Variants in NEDD9 observed in about 807,000 individuals in gnomAD.
The protein encoded by NEDD9 is enhancer of filamentation 1.
NEDD9 carries 26 observed loss-of-function variants against 76.6 expected under a neutral mutation model. That is an observed-to-expected ratio of 0.34 (90% confidence interval 0.25 to 0.47). The LOEUF (loss-of-function observed/expected upper bound fraction) is 0.47. Ranked by LOEUF, NEDD9 falls within the 20% of genes least tolerant of loss-of-function variation. The pLI is 1.00. For synonymous variants in NEDD9, 392 were observed against 414.2 expected (o/e 0.95, Z 0.65); for missense variants, 937 against 1,058.5 (o/e 0.89, Z 1.59).
intron 2 of NEDD9, among the ~76,000 whole-genome samples, chr6:11,309,371 T>A (rs997446634): frequency 6.6e-6 from 1 of 152,196 alleles, no homozygotes; most frequent in African/African-American, 2.4e-5. Flanking sequence ...GCTACGTAGA[T>A]CTTTATCTGT....
chr6:11,257,651 G>A (rs997899750), intron 3 of NEDD9, among the ~76,000 whole-genome samples: 3 of 152,128 alleles, frequency 2.0e-5, no homozygotes, highest in African/African-American at 7.2e-5. Flanking sequence ...ACTGAGATTT[G>A]CAAAGTTGAA....
intron 1 of NEDD9, among the ~76,000 whole-genome samples, chr6:11,346,761 C>T (rs1582041619): frequency 6.6e-6 from 1 of 152,130 alleles, no homozygotes; most frequent in Non-Finnish European, 1.5e-5. Context: ...CTGCTTAGGG[C>T]AGCAACCCTG....
intron 1 of NEDD9, among the ~76,000 whole-genome samples, chr6:11,363,551 T>C (rs1762713863): frequency 6.6e-6 from 1 of 152,198 alleles, no homozygotes. Flanking sequence ...TGGTTTAACC[T>C]GAGAAAGAAG....
intron 3 of NEDD9, among the ~76,000 whole-genome samples, chr6:11,238,036 G>A (rs1759641803): frequency 6.6e-6 from 1 of 152,142 alleles, no homozygotes; most frequent in Non-Finnish European, 1.5e-5. Context: ...TCTTTTACAA[G>A]TCTCCAGAAA....
rs144136399 is a variant in NEDD9 at position 11,377,968 on chromosome 6, C to T, written c.-214+4171G>A. ...ATGAGATCTGGTTGTTTAGGCCAGG[C>T]GCAGTGGCTCATGCCTGTAACCCCA... On this transcript the variant is annotated intron_variant, in intron 1 of 3. Coordinates refer to the NEDD9 transcript ENST00000397378. 2.4e-3 allele frequency among the ~76,000 whole-genome samples: 358 copies of T among 152,236 alleles called. 2 individuals carry two copies. Among genetic ancestry groups the T allele is most frequent in the African/African-American group, 8.0e-3 (333 of 41,534 alleles).
At chr6:11,351,469 C>A (rs1169065607) in intron 1 of NEDD9, among the ~76,000 whole-genome samples, 1 of 152,202 alleles carries the variant, frequency 6.6e-6, no homozygotes, top group Non-Finnish European at 1.5e-5. Context: ...GCCACTCTCA[C>A]CTTCCCTTGT....
rs550219746 is a variant in NEDD9, at chr6:11,299,062, GT to G, written c.12+6929del. ...TTGCCTCATCAGGGAAATGCAAGGGGTTGGGGTATTTCCCTTTCCTAGCCAA... is the reference window on the plus strand; with the variant it reads ...TTGCCTCATCAGGGAAATGCAAGGGGTGGGGTATTTCCCTTTCCTAGCCAA... On this transcript the variant is annotated intron_variant, in intron 3 of 3. Coordinates refer to the NEDD9 transcript ENST00000397378. Among the ~76,000 whole-genome samples, 382 of 152,322 alleles carry G rather than the reference GT, an allele frequency of 2.5e-3. 4 individuals carry two copies. Among genetic ancestry groups the G allele is most frequent in the Non-Finnish European group, 4.3e-4 (29 of 68,026 alleles).
At chr6:11,214,071 G>C (rs1758871228) in intron 1 of NEDD9, 3 of 417,634 alleles carry the variant, frequency 7.2e-6, no homozygotes, top group South Asian at 5.8e-5. Flanking sequence ...TTTTCAAAGT[G>C]AGCTTAAGGA....
chr6:11,238,596 C>T (rs1759654016), intron 3 of NEDD9, among the ~76,000 whole-genome samples: 1 of 152,172 alleles, frequency 6.6e-6, no homozygotes, highest in African/African-American at 2.4e-5. Context: ...TCACTCTGCC[C>T]CACTTCGTGG....
chr6:11,274,154 C>T (rs970793245), intron 3 of NEDD9, among the ~76,000 whole-genome samples: 1 of 152,196 alleles, frequency 6.6e-6, no homozygotes, highest in Non-Finnish European at 1.5e-5. Flanking sequence ...CTTTTTGGAA[C>T]ATACCCTCAT....
intron 1 of NEDD9, among the ~76,000 whole-genome samples, chr6:11,355,493 A>T (rs564912726): frequency 6.6e-6 from 1 of 152,326 alleles, no homozygotes; most frequent in South Asian, 2.1e-4. Flanking sequence ...TGACGAATTC[A>T]TCCTGGTTGG....
chr6:11,250,675 G>C (rs1759899408), intron 3 of NEDD9, among the ~76,000 whole-genome samples: 1 of 152,152 alleles, frequency 6.6e-6, no homozygotes, highest in African/African-American at 2.4e-5. Flanking sequence ...TTTTGAGCTT[G>C]ACAATGACTG....
chr6:11,213,240 A>G lies in NEDD9; in HGVS notation c.459+41T>C, dbSNP rs1246275991. On this transcript the variant is annotated intron_variant, in intron 2 of 6. Coordinates refer to ENST00000379446, the MANE Select transcript of NEDD9 (RefSeq NM_006403.4). This position sits in a 1 kb window ranked among gnomAD's most constrained non-coding sequence, Gnocchi z 5.4. ...AATGCTCCAAGTGTAATGGGAAAAAAAAATAAGTAGGAACAAAAATTTAGT... is the reference window on the plus strand; with the variant it reads ...AATGCTCCAAGTGTAATGGGAAAAAGAAATAAGTAGGAACAAAAATTTAGT... 17 of 1,532,164 alleles carry G rather than the reference A, an allele frequency of 1.1e-5. No individual in the cohort carries two copies. The highest frequency in any genetic ancestry group is 1.4e-5 in the Non-Finnish European group (16 of 1,138,096). The allele number at this position is 1,532,164 out of a possible 1,614,324, so 94.9% of individuals were successfully genotyped here.
intron 1 of NEDD9, among the ~76,000 whole-genome samples, chr6:11,229,620 G>A (rs1276160657): frequency 1.3e-5 from 2 of 152,180 alleles, no homozygotes; most frequent in Non-Finnish European, 2.9e-5. Flanking sequence ...TGTATATGAA[G>A]GGGATTTTGT....
At chr6:11,376,184 G>A (rs930771130) in intron 1 of NEDD9, among the ~76,000 whole-genome samples, 5 of 152,122 alleles carry the variant, frequency 3.3e-5, no homozygotes, top group Non-Finnish European at 7.4e-5. Flanking sequence ...GATGCAAAAC[G>A]GACTAACACA....
chr6:11,288,402 A>G (rs538407565), intron 3 of NEDD9, among the ~76,000 whole-genome samples: 2 of 152,352 alleles, frequency 1.3e-5, no homozygotes, highest in Non-Finnish European at 2.9e-5. Context: ...GAATGTGTTG[A>G]GGCAGAGCTG....
At chr6:11,220,449 C>T (rs1360803867) in intron 1 of NEDD9, among the ~76,000 whole-genome samples, 2 of 152,178 alleles carry the variant, frequency 1.3e-5, no homozygotes, top group African/African-American at 2.4e-5. Flanking sequence ...AGAAATGTGA[C>T]ATTAAATACT....
intron 3 of NEDD9, among the ~76,000 whole-genome samples, chr6:11,265,835 T>C (rs1760190348): frequency 6.6e-6 from 1 of 152,092 alleles, no homozygotes; most frequent in African/African-American, 2.4e-5. Flanking sequence ...ATAAATGCAA[T>C]GGAATACTCT....
At chr6:11,330,486 G>C (rs987393796) in intron 2 of NEDD9, among the ~76,000 whole-genome samples, 2 of 152,210 alleles carry the variant, frequency 1.3e-5, no homozygotes, top group African/African-American at 4.8e-5. Flanking sequence ...TACACTGGGG[G>C]AGGTGGAGAC....
Sources: gnomAD v4.1 joint callset for allele counts (sites outside exome capture counted in the v4.1 genomes callset) on GRCh38, gnomAD v4.1.1 for gene constraint, Gnocchi (gnomAD v3.1) non-coding constraint, MANE v1.5 for transcripts, NCBI Gene and HGNC (gene_info 2026-07-23, HGNC 2026-07-21) for gene names.